THBS2: variants seen among roughly 807,000 people sequenced by gnomAD.
The protein encoded by THBS2 is thrombospondin 2, also known as thrombospondin-2.
THBS2 carries 47 observed loss-of-function variants against 135.2 expected under a neutral mutation model. The observed-to-expected ratio is 0.35, with a 90% confidence interval of 0.28 to 0.44. The LOEUF is 0.44. Ranked by LOEUF, THBS2 falls within the 20% of genes least tolerant of loss-of-function variation. The pLI is 1.00. For synonymous variants in THBS2, 639 were observed against 633.8 expected, an observed-to-expected ratio of 1.01 and a Z score of -0.12; for missense variants, 1,288 against 1,603.1, an observed-to-expected ratio of 0.80 and a Z score of 3.36.
At chr6:169,236,692 TTCCCCCATAAACACCATCCACACTCAC>T (rs1780099798) in intron 9 of THBS2, among the ~76,000 whole-genome samples, 1 of 117,246 alleles carries the variant, frequency 8.5e-6, no homozygotes, top group Non-Finnish European at 1.8e-5. Context: ...TCCACACTCA[TTCCCCCATAAACACCATCCACACTCAC>T]TCCCCATCCA....
At chr6:169,231,149 AC>A (rs1779816652) in intron 13 of THBS2, among the ~76,000 whole-genome samples, 2 of 152,136 alleles carry the variant, frequency 1.3e-5, no homozygotes, top group East Asian at 3.9e-4. Flanking sequence ...TTGTATGGTA[AC>A]AAGTGGAATT....
intron 14 of THBS2, among the ~76,000 whole-genome samples, chr6:169,229,196 C>T (rs1196860678): frequency 6.6e-6 from 1 of 152,180 alleles, no homozygotes; most frequent in African/African-American, 2.4e-5. Context: ...TTTGTGTTTG[C>T]AGCAATTTTC....
In THBS2 at chr6:169,216,676, C is replaced by T. The variant is rs1280034099; in HGVS notation, c.*1146G>A. ...CAGCTTCTAGCATGCTTCATCGTGA[C>T]AACCTAATATTATCAAGCCTCATAT... On this transcript the variant is annotated 3_prime_UTR_variant, in exon 22 of 22. Coordinates refer to ENST00000617924, the MANE Select transcript of THBS2 (RefSeq NM_003247.5). 2.0e-5 allele frequency: 3 copies of T among 150,680 alleles called. No individual in the cohort carries two copies. The highest frequency in any genetic ancestry group is 4.8e-5 in the African/African-American group (2 of 41,344). 9.3% of individuals were successfully genotyped at this position (150,680 alleles called of 1,614,324 possible).
Position 169,217,948 on chromosome 6 carries a change from A to T in THBS2, c.3512-119T>A, listed in dbSNP as rs1049917281. The T allele has an allele frequency of 8.5e-6, 8 of 942,640 alleles. No individual in the cohort carries two copies. The Admixed American group carries it at 2.2e-4, about 25-fold the overall frequency. The allele number at this position is 942,640 out of a possible 1,614,324, so 58.4% of individuals were successfully genotyped here. On this transcript the variant is annotated intron_variant, in intron 21 of 21. Transcript: ENST00000617924. ...ACTTTAATTAAAGATGAGATCTATC[A>T]TATGGATGGATGGATGGATGGATGA...
chr6:169,219,152 G>T (rs1038937544), intron 21 of THBS2, among the ~76,000 whole-genome samples: 1 of 149,312 alleles, frequency 6.7e-6, no homozygotes, highest in African/African-American at 2.5e-5. Flanking sequence ...GGATGGGATA[G>T]ATGAGTGAGT....
At position 169,231,368 on chromosome 6, in the gene THBS2, A is replaced by G. The variant is rs576535543; in HGVS notation, c.2151+612T>C. Among the ~76,000 whole-genome samples, 990 of 152,302 alleles carry G rather than the reference A, an allele frequency of 6.5e-3. 5 individuals carry two copies. Among genetic ancestry groups the G allele is most frequent in the Non-Finnish European group, 0.01 (698 of 68,032 alleles). On this transcript the variant is annotated intron_variant, in intron 13 of 21. Transcript: ENST00000617924. ...ACGCCTGAGCCAGAGAAGCTGGGAG[A>G]AGCAGAGGGAGCACGGCCCCGCTAG... is the stretch of plus-strand genomic sequence containing the variant.
intron 9 of THBS2, among the ~76,000 whole-genome samples, chr6:169,236,159 CTCACTCCCCATCCACA>C: frequency 8.1e-6 from 1 of 123,782 alleles, no homozygotes; most frequent in Non-Finnish European, 1.7e-5. Context: ...CCCATCCACA[CTCACTCCCCATCCACA>C]CTCATTCCCC....
intron 13 of THBS2, among the ~76,000 whole-genome samples, 168 bp downstream of exon 13, chr6:169,231,812 G>A (rs6940420): frequency 0.23 from 34,300 of 152,196 alleles, 4,148 homozygotes; most frequent in African/African-American, 0.3. Context: ...GACCTCCAGA[G>A]AGGGGACCAG....
chr6:169,231,917 C>T (rs1779849209), intron 13 of THBS2, 63 bp downstream of exon 13: 2 of 1,557,280 alleles, frequency 1.3e-6, no homozygotes, highest in South Asian at 2.3e-5. Context: ...GCGTAGCGTC[C>T]CCGGCGCCAG....
At position 169,248,726 on chromosome 6, in the gene THBS2, C is replaced by T. The variant is rs201868969; in HGVS notation, c.300G>A (p.Leu100=). The T allele has an allele frequency of 9.9e-6, 16 of 1,613,802 alleles. No homozygotes were observed. In the African/African-American group the frequency reaches 2.1e-4, roughly 22 times the overall value. ...AGAGACCGGGGCCCTCCAGAGCCAA[C>T]AGCGTGCCCCTGGACTTGCCGTCCT... ...LKQDGKSRGT[L]LALEGPGLSQ... is the part of the protein sequence containing the mutation. The change falls in exon 3 of 22, where the codon CTG becomes CTA. Residue 100 remains leucine (L), a synonymous_variant. Coordinates refer to ENST00000617924, the MANE Select transcript of THBS2 (RefSeq NM_003247.5).
chr6:169,236,299 C>T (rs1036900287), intron 9 of THBS2, among the ~76,000 whole-genome samples: 2,314 of 102,196 alleles, frequency 0.023, no homozygotes, highest in East Asian at 0.078. Context: ...CATTCCCATC[C>T]ACAGTCACTC....
At chr6:169,233,230 G>A (rs1036636524) in intron 10 of THBS2, among the ~76,000 whole-genome samples, 2 of 152,074 alleles carry the variant, frequency 1.3e-5, no homozygotes, top group Non-Finnish European at 2.9e-5. Context: ...GCAGAAGCAC[G>A]TGTACATTAT....
chr6:169,249,260 C>T (rs1780676573), intron 2 of THBS2, among the ~76,000 whole-genome samples: 1 of 152,122 alleles, frequency 6.6e-6, no homozygotes, highest in Admixed American at 6.5e-5. Context: ...GAAGGTAAAT[C>T]GGTGGAGACA....
chr6:169,244,549 T>G (rs1780480258), intron 4 of THBS2, among the ~76,000 whole-genome samples: 8 of 151,256 alleles, frequency 5.3e-5, no homozygotes, highest in Admixed American at 5.3e-4. Flanking sequence ...TGCATATATG[T>G]TTTGTTTATA....
chr6:169,221,939 C>T (rs1418144276), intron 19 of THBS2, among the ~76,000 whole-genome samples: 1 of 152,088 alleles, frequency 6.6e-6, no homozygotes, highest in Non-Finnish European at 1.5e-5. Flanking sequence ...ATGCTCACTC[C>T]CTATCTCCAG....
At chr6:169,231,517 C>A (rs1779832937) in intron 13 of THBS2, among the ~76,000 whole-genome samples, 2 of 152,258 alleles carry the variant, frequency 1.3e-5, no homozygotes, top group African/African-American at 4.8e-5. Context: ...TGGGATGGGC[C>A]CCGAAGGAGC....
Position 169,252,633 on chromosome 6 carries a change from G to A in THBS2, c.-23+1091C>T, listed in dbSNP as rs1417774230. On this transcript the variant is annotated intron_variant, in intron 1 of 21. Transcript: ENST00000617924. The surrounding 1 kb of genome is among the most constrained non-coding windows in gnomAD (Gnocchi z 4.3). ...CTGCGGATTGTCAAAGGACAGTGAG[G>A]CTCCATCCCACAGGAAGGATGAGCA... Among the ~76,000 whole-genome samples, 1 of 152,160 alleles carries A rather than the reference G, an allele frequency of 6.6e-6. No individual in the cohort carries two copies. Among genetic ancestry groups the A allele is most frequent in the East Asian group, 1.9e-4 (1 of 5,184 alleles).
Position 169,232,947 on chromosome 6 carries a change from G to A in THBS2, c.1722C>T (p.Cys574=), listed in dbSNP as rs754466917. The A allele has an allele frequency of 8.9e-6, 14 of 1,567,164 alleles. No individual in the cohort carries two copies. Among genetic ancestry groups the A allele is most frequent in the East Asian group, 2.3e-5 (1 of 42,980 alleles). ...CSSFPDGSWS[C]GSCPVGFLGN... ...CCAAGAAGCCCACAGGGCAGGAGCCGCATGACCAGGACCCATCGGGGAAGC... is the reference window on the plus strand; with the variant it reads ...CCAAGAAGCCCACAGGGCAGGAGCCACATGACCAGGACCCATCGGGGAAGC... The change falls in exon 11 of 22, where the codon TGC becomes TGT. Residue 574 remains cysteine, a synonymous_variant. Transcript: ENST00000617924.
Position 169,252,057 on chromosome 6 carries a change from CG to C in THBS2, c.-22-1252del, listed in dbSNP as rs374028186. The C allele has an allele frequency of 1.6e-4, 25 of 152,238 alleles. No homozygotes were observed. Among genetic ancestry groups the C allele is most frequent in the African/African-American group, 5.5e-4 (23 of 41,536 alleles). 9.4% of individuals were successfully genotyped at this position (152,238 alleles called of 1,614,324 possible). On this transcript the variant is annotated intron_variant, in intron 1 of 21. Coordinates refer to ENST00000617924, the MANE Select transcript of THBS2 (RefSeq NM_003247.5). The surrounding 1 kb of genome is among the most constrained non-coding windows in gnomAD (Gnocchi z 4.3). Reference sequence around the variant, plus strand: ...GCGTCATGTAAAATGCCCACCTCATCGGGTTGTCATGAGAGATGAATTCGGC... The same window carrying C: ...GCGTCATGTAAAATGCCCACCTCATCGGTTGTCATGAGAGATGAATTCGGC...
Sources: allele counts gnomAD v4.1 joint callset (sites outside exome capture counted in the v4.1 genomes callset), GRCh38; gene constraint gnomAD v4.1.1; non-coding constraint Gnocchi (gnomAD v3.1); transcripts MANE v1.5; gene names NCBI Gene and HGNC (gene_info 2026-07-23, HGNC 2026-07-21).